The following NCKAP5L variants were observed in gnomAD, a reference collection of about 807,000 sequenced individuals.
NCKAP5L encodes the protein nck-associated protein 5-like.
In NCKAP5L, 54 loss-of-function variants were observed where a neutral mutation model predicts 103.2. The ratio of observed to expected loss-of-function variants is 0.52; its 90% CI spans 0.42 to 0.66. The LOEUF (loss-of-function observed/expected upper bound fraction) is 0.66, where lower values mean the gene tolerates loss of function less well. Ranked by LOEUF, NCKAP5L falls within the 30% of genes least tolerant of loss-of-function variation. NCKAP5L has a pLI of 0.00. For missense variants in NCKAP5L, 1,733 were observed against 1,750.6 expected (o/e 0.99, Z 0.18); for synonymous variants, 762 against 748.6 (o/e 1.02, Z -0.29).
rs907778144 is a variant in NCKAP5L, at chr12:49,802,969, G to A, written c.220C>T (p.Leu74=). ...EVANHVVQAL[L]NQKDLREECI... is the part of the protein sequence containing the mutation. ...TCTGGGTTACTCACCTTCTGGTTCAGCAACGCCTGTACCACATGGTTGGCA... is the reference window on the plus strand; with the variant it reads ...TCTGGGTTACTCACCTTCTGGTTCAACAACGCCTGTACCACATGGTTGGCA... Residue 74 remains leucine, a synonymous_variant, in exon 5 of 13, where the codon CTG becomes TTG. Transcript: ENST00000335999. 15 of 1,614,050 alleles carry A rather than the reference G, an allele frequency of 9.3e-6. No individual in the cohort carries two copies. The African/African-American group carries it at 1.3e-4, about 14-fold the overall frequency.
In NCKAP5L at chr12:49,793,828, G is replaced by C; in HGVS notation, c.3164C>G (p.Pro1055Arg). 1 of 1,591,882 alleles carries C rather than the reference G, an allele frequency of 6.3e-7. No homozygotes were observed. Among genetic ancestry groups the C allele is most frequent in the Non-Finnish European group, 8.5e-7 (1 of 1,169,594 alleles). Reference sequence around the variant, plus strand: ...GGGGCTCTTGGGGTCAGAAGACACCGGCTGGAAATCCCCGTACTCAGGCTT... The same window carrying C: ...GGGGCTCTTGGGGTCAGAAGACACCCGCTGGAAATCCCCGTACTCAGGCTT... ...EPKPEYGDFQ[P>R]VSSDPKSPWP... Residue 1055 changes from proline to arginine, a missense_variant, in exon 9 of 13, where the codon CCG becomes CGG. By Grantham distance (103) the Pro-to-Arg change is moderately radical (BLOSUM62 -2). Transcript: ENST00000335999.
At position 49,797,657 on chromosome 12, in the gene NCKAP5L, G is replaced by A. The variant is rs1946073453; in HGVS notation, c.466-263C>T. Among the ~76,000 whole-genome samples, 1 of 152,102 alleles carries A rather than the reference G, an allele frequency of 6.6e-6. No individual in the cohort carries two copies. The highest frequency in any genetic ancestry group is 1.5e-5 in the Non-Finnish European group (1 of 67,984). On this transcript the variant is annotated intron_variant, in intron 7 of 12. Transcript: ENST00000335999. This position sits in a 1 kb window ranked among gnomAD's most constrained non-coding sequence, Gnocchi z 4.5. ...CTACATCCTTTTCTTGGTTGCCCCA[G>A]CCCCTACTCCCCACAGCCATTTGGA...
chr12:49,804,574 C>T (rs1356860233), intron 2 of NCKAP5L: 2 of 152,288 alleles, frequency 1.3e-5, no homozygotes, highest in African/African-American at 4.8e-5. Context: ...GATCCCCTGC[C>T]TGGAGCAGGC....
chr12:49,801,700 A>T (rs980635080), intron 6 of NCKAP5L, 148 bp downstream of exon 6: 4 of 934,936 alleles, frequency 4.3e-6, no homozygotes, highest in Non-Finnish European at 6.4e-6. Flanking sequence ...AACCCAGGGG[A>T]CTTGGGTAGT....
intron 5 of NCKAP5L, 143 bp from the exon 6 acceptor site, chr12:49,802,110 G>A: frequency 1.1e-6 from 1 of 940,036 alleles, no homozygotes; most frequent in East Asian, 2.7e-5. Flanking sequence ...CTCCTTCTAT[G>A]AGGAATCTAA....
At chr12:49,823,905 T>C (rs1325317545) in intron 1 of NCKAP5L, among the ~76,000 whole-genome samples, 5 of 152,196 alleles carry the variant, frequency 3.3e-5, no homozygotes, top group African/African-American at 1.2e-4. Flanking sequence ...CCAGGAACAC[T>C]GGCTGGGAAA....
Position 49,795,430 on chromosome 12 carries a change from G to A in NCKAP5L, c.2430C>T (p.Ser810=). 1 of 1,582,858 alleles carries A rather than the reference G, an allele frequency of 6.3e-7. No individual in the cohort carries two copies. Among genetic ancestry groups the A allele is most frequent in the African/African-American group, 1.4e-5 (1 of 73,698 alleles). ...SAPSLGKPNK[S]PHSSPTKLPS... ...GGAGCTTGGTGGGGCTGCTGTGAGG[G>A]CTCTTATTGGGCTTGCCCAGGCTTG... Residue 810 remains serine, a synonymous_variant, in exon 8 of 13, where the codon AGC becomes AGT. Coordinates refer to ENST00000335999, the MANE Select transcript of NCKAP5L (RefSeq NM_001037806.4).
At chr12:49,793,979 C>T in intron 8 of NCKAP5L, 83 bp from the exon 9 acceptor site, 2 of 1,272,278 alleles carry the variant, frequency 1.6e-6, no homozygotes, top group Non-Finnish European at 2.1e-6. Context: ...TGGTGCTGGG[C>T]TTAGGGAGGC....
At chr12:49,818,710 T>A (rs1006638686) in intron 1 of NCKAP5L, among the ~76,000 whole-genome samples, 1 of 151,976 alleles carries the variant, frequency 6.6e-6, no homozygotes. Flanking sequence ...TACGAAAAAA[T>A]GCTCGATATC....
At chr12:49,793,280 GA>G in intron 10 of NCKAP5L, 71 bp downstream of exon 10, 3 of 1,465,996 alleles carry the variant, frequency 2.0e-6, no homozygotes, top group Non-Finnish European at 2.8e-6. Context: ...GCGGGGACGG[GA>G]AGAAGTAAAG....
In NCKAP5L at chr12:49,795,393, G is replaced by A. The variant is rs772447554; in HGVS notation, c.2467C>T (p.Pro823Ser). ...SSPTKLPSKS[P>S]TKVVPRPGAP... is the part of the protein sequence containing the mutation. Reference sequence around the variant, plus strand: ...CCAGGTCGAGGCACCACCTTGGTTGGTGACTTGGAAGGGAGCTTGGTGGGG... The same window carrying A: ...CCAGGTCGAGGCACCACCTTGGTTGATGACTTGGAAGGGAGCTTGGTGGGG... Residue 823 changes from proline to serine, a missense_variant, in exon 8 of 13, where the codon CCA becomes TCA. Transcript: ENST00000335999. 8 of 1,575,684 alleles carry A rather than the reference G, an allele frequency of 5.1e-6. No individual in the cohort carries two copies. The East Asian group carries it at 1.3e-4, about 26-fold the overall frequency.
chr12:49,811,204 C>T (rs1946236004), intron 1 of NCKAP5L, among the ~76,000 whole-genome samples: 1 of 152,192 alleles, frequency 6.6e-6, no homozygotes, highest in South Asian at 2.1e-4. Context: ...CAGGCTTGTG[C>T]TTACGCGCTC....
chr12:49,828,100 TG>T (rs1326724787), intron 1 of NCKAP5L, among the ~76,000 whole-genome samples: 4 of 21,308 alleles, frequency 1.9e-4, no homozygotes, highest in African/African-American at 6.7e-4. Flanking sequence ...GGGGGTGGGG[TG>T]GGGGTGCACA....
At chr12:49,809,542 C>T (rs1157524522) in intron 1 of NCKAP5L, among the ~76,000 whole-genome samples, 3 of 152,128 alleles carry the variant, frequency 2.0e-5, no homozygotes, top group African/African-American at 7.2e-5. Flanking sequence ...ACAGAATCAC[C>T]CGTAACACCA....
Position 49,804,028 on chromosome 12 carries a change from T to G in NCKAP5L, c.17A>C (p.Asp6Ala). The G allele has an allele frequency of 6.2e-7, 1 of 1,611,074 alleles. No individual in the cohort carries two copies. Among genetic ancestry groups the G allele is most frequent in the Non-Finnish European group, 8.5e-7 (1 of 1,179,886 alleles). MSEAM[D>A]QPAGGPGNPR... ...GTTTCCAGGACCCCCAGCTGGCTGG[T>G]CCATGGCCTCTGACATCTGGCCCTG... Residue 6 changes from aspartate (D) to alanine (A), a missense_variant, in exon 3 of 13, where the codon GAC becomes GCC. By Grantham distance (126) the Asp-to-Ala change is moderately radical. Coordinates refer to ENST00000335999, the MANE Select transcript of NCKAP5L (RefSeq NM_001037806.4).
In NCKAP5L at chr12:49,792,245, C is replaced by T. The variant is rs1271732189; in HGVS notation, c.3793-194G>A. On this transcript the variant is annotated intron_variant, in intron 12 of 12. Coordinates refer to ENST00000335999, the MANE Select transcript of NCKAP5L (RefSeq NM_001037806.4). This position sits in a 1 kb window ranked among gnomAD's most constrained non-coding sequence, Gnocchi z 4.5. Reference sequence around the variant, plus strand: ...AGTCCTACAAGGTTCTGGGGAGGGACAGAAACCTTTCCCCACGAGAGAAGT... The same window carrying T: ...AGTCCTACAAGGTTCTGGGGAGGGATAGAAACCTTTCCCCACGAGAGAAGT... 8 of 1,199,534 alleles carry T rather than the reference C, an allele frequency of 6.7e-6. No homozygotes were observed. The highest frequency in any genetic ancestry group is 8.3e-6 in the Non-Finnish European group (7 of 841,250). 74.3% of individuals were successfully genotyped at this position (1,199,534 alleles called of 1,614,324 possible). A position where few individuals can be genotyped will look rare whatever the true frequency, so the allele number is the denominator to read the frequency against.
At position 49,794,914 on chromosome 12, in the gene NCKAP5L, C is replaced by T; in HGVS notation, c.2946G>A (p.Leu982=). ...TGCTTAGGTAGGCCTTCTCCTCTTC[C>T]AGTGCCCGACGCAGGTCTTCCGCCT... ...MAKAEDLRRA[L]EEEKAYLSSR... The change falls in exon 8 of 13, where the codon CTG becomes CTA. Residue 982 remains leucine, a synonymous_variant. Transcript: ENST00000335999. 6.5e-7 allele frequency: 1 copy of T among 1,541,070 alleles called. No individual in the cohort carries two copies. Among genetic ancestry groups the T allele is most frequent in the Non-Finnish European group, 8.7e-7 (1 of 1,144,094 alleles).
At chr12:49,823,374 G>A (rs1180846977) in intron 1 of NCKAP5L, among the ~76,000 whole-genome samples, 2 of 152,136 alleles carry the variant, frequency 1.3e-5, no homozygotes, top group African/African-American at 4.8e-5. Flanking sequence ...AGCCAGCTGG[G>A]AGTGAGGTAA....
chr12:49,820,420 G>C (rs1029483433), intron 1 of NCKAP5L, among the ~76,000 whole-genome samples: 1 of 150,528 alleles, frequency 6.6e-6, no homozygotes, highest in Admixed American at 6.6e-5. Context: ...GGGTTCAAGC[G>C]ATTCTCCTGC....
Sources: allele counts gnomAD v4.1 joint callset (sites outside exome capture counted in the v4.1 genomes callset), GRCh38; gene constraint gnomAD v4.1.1; non-coding constraint Gnocchi (gnomAD v3.1); transcripts MANE v1.5; gene names NCBI Gene and HGNC (gene_info 2026-07-23, HGNC 2026-07-21).